MROH9: variants seen among roughly 807,000 people sequenced by gnomAD.
The protein encoded by MROH9 is maestro heat like repeat family member 9.
Under a neutral mutation model 98.2 loss-of-function variants are expected in MROH9, and 92 were observed. That is an observed-to-expected ratio of 0.94 (90% CI 0.79 to 1.11). The LOEUF is 1.11. Among genes scored for constraint, MROH9 ranks in the 50% most tolerant of loss-of-function variants. The pLI is 0.00. For missense variants in MROH9, 1,057 were observed against 1,014.8 expected (o/e 1.04, Z -0.57); for synonymous variants, 397 against 368.9 (o/e 1.08, Z -0.87).
intron 15 of MROH9, among the ~76,000 whole-genome samples, chr1:171,000,271 A>G (rs886913809): frequency 3.3e-5 from 5 of 150,206 alleles, no homozygotes; most frequent in East Asian, 3.9e-4. Context: ...GCCAATGTCT[A>G]GAAGTTTTTT....
intron 10 of MROH9, among the ~76,000 whole-genome samples, chr1:170,988,487 A>G (rs1651233790): frequency 6.6e-6 from 1 of 152,146 alleles, no homozygotes; most frequent in African/African-American, 2.4e-5. Flanking sequence ...AGGCTTACCA[A>G]GTCCCTGAGA....
At chr1:170,956,265 G>A (rs1170465213) in intron 3 of MROH9, among the ~76,000 whole-genome samples, 1 of 152,020 alleles carries the variant, frequency 6.6e-6, no homozygotes, top group African/African-American at 2.4e-5. Flanking sequence ...CTCCAGATTT[G>A]TTCTTTTTGC....
At chr1:171,013,156 T>C (rs920003738) in intron 15 of MROH9, among the ~76,000 whole-genome samples, 1 of 151,992 alleles carries the variant, frequency 6.6e-6, no homozygotes, top group Non-Finnish European at 1.5e-5. Flanking sequence ...TAAATATCAC[T>C]CTTCATTCTA....
chr1:170,976,654 T>C (rs533794848), intron 8 of MROH9, among the ~76,000 whole-genome samples: 2 of 152,190 alleles, frequency 1.3e-5, no homozygotes, highest in East Asian at 3.9e-4. Context: ...GGCTGAGGCA[T>C]ATAAAAAAAT....
intron 15 of MROH9, among the ~76,000 whole-genome samples, chr1:171,013,874 T>TACACAC (rs34557125): frequency 1.7e-4 from 24 of 144,388 alleles, no homozygotes; most frequent in Non-Finnish European, 2.1e-4. Flanking sequence ...GTAAAATACA[T>TACACAC]ACACACACAC....
intron 20 of MROH9, among the ~76,000 whole-genome samples, chr1:171,044,972 CTTTTTTTTTTTTTTTTTTTTT>C (rs754332732): frequency 2.6e-4 from 12 of 45,708 alleles, no homozygotes; most frequent in Non-Finnish European, 3.6e-4. Flanking sequence ...CTGCTCTGAT[CTTTTTTTTTTTTTTTTTTTTT>C]TTTTTTTTTT....
At chr1:171,002,281 T>C (rs1651808778) in intron 15 of MROH9, among the ~76,000 whole-genome samples, 1 of 151,786 alleles carries the variant, frequency 6.6e-6, no homozygotes, top group African/African-American at 2.4e-5. Flanking sequence ...GCATTCATCA[T>C]GCTCTTTTTT....
intron 9 of MROH9, among the ~76,000 whole-genome samples, chr1:170,985,605 T>A (rs1257460840): frequency 6.6e-6 from 1 of 152,242 alleles, no homozygotes; most frequent in East Asian, 1.9e-4. Context: ...ACTAAATTTC[T>A]TGTTGAGTAA....
chr1:171,029,601 G>T (rs1303154731), intron 20 of MROH9, among the ~76,000 whole-genome samples: 1 of 152,152 alleles, frequency 6.6e-6, no homozygotes, highest in Non-Finnish European at 1.5e-5. Flanking sequence ...TATGTTTATT[G>T]ATTTGCATAT....
chr1:171,042,941 T>G (rs1411676215), intron 20 of MROH9, among the ~76,000 whole-genome samples: 1 of 152,200 alleles, frequency 6.6e-6, no homozygotes, highest in African/African-American at 2.4e-5. Context: ...GTGGGTTGTC[T>G]CTTCACTTTG....
At chr1:171,034,362 T>C (rs895655259) in intron 20 of MROH9, among the ~76,000 whole-genome samples, 4 of 152,150 alleles carry the variant, frequency 2.6e-5, no homozygotes, top group African/African-American at 9.7e-5. Context: ...GGATGAACTA[T>C]TGCAAAAAGA....
intron 15 of MROH9, among the ~76,000 whole-genome samples, chr1:171,002,882 A>T (rs1264422847): frequency 2.0e-5 from 3 of 152,094 alleles, no homozygotes; most frequent in Non-Finnish European, 4.4e-5. Context: ...TTCCTCAGGA[A>T]TACCAATTAT....
At chr1:171,019,369 A>G (rs1457056879) in intron 17 of MROH9, among the ~76,000 whole-genome samples, 1 of 152,154 alleles carries the variant, frequency 6.6e-6, no homozygotes, top group Non-Finnish European at 1.5e-5. Flanking sequence ...GGCTAGAAAC[A>G]TCGGCCAGGA....
chr1:171,015,230 A>T, intron 16 of MROH9: 1 of 345,762 alleles, frequency 2.9e-6, no homozygotes, highest in South Asian at 2.3e-5. Context: ...TTTACTTTAA[A>T]TAAATAATAC....
rs374399023 is a variant in MROH9, at chr1:171,048,909, C to T, written c.2282-13223C>T. Among the ~76,000 whole-genome samples, 17 of 152,220 alleles carry T rather than the reference C, an allele frequency of 1.1e-4. No individual in the cohort carries two copies. The South Asian group carries it at 1.5e-3, about 13-fold the overall frequency. On this transcript the variant is annotated intron_variant, in intron 20 of 21. Coordinates refer to ENST00000367759, the MANE Select transcript of MROH9 (RefSeq NM_001163629.2). ...CCTTTTCCTTCAAGGCAGTGGGTTC[C>T]CTTTTGGCCCAGGGTATGTTTAGAA...
At chr1:171,062,718 G>A (rs1325985060) in intron 21 of MROH9, among the ~76,000 whole-genome samples, 1 of 152,198 alleles carries the variant, frequency 6.6e-6, no homozygotes, top group African/African-American at 2.4e-5. Flanking sequence ...CTTAGCCTCT[G>A]TCTATCGTCC....
At chr1:171,046,711 T>C (rs1423165916) in intron 20 of MROH9, among the ~76,000 whole-genome samples, 3 of 152,174 alleles carry the variant, frequency 2.0e-5, no homozygotes, top group African/African-American at 4.8e-5. Flanking sequence ...ACAGTCACAG[T>C]GTTATAATAT....
intron 6 of MROH9, 109 bp from the exon 7 acceptor site, chr1:170,965,042 A>G: frequency 1.5e-6 from 1 of 663,814 alleles, no homozygotes; most frequent in Non-Finnish European, 2.7e-6. Context: ...AGTGTGAAAT[A>G]ACCAGGAGAA....
At chr1:171,016,061 G>A (rs150647153) in intron 16 of MROH9, 102 bp from the exon 17 acceptor site, 23 of 735,148 alleles carry the variant, frequency 3.1e-5, no homozygotes, top group Admixed American at 8.7e-5. Context: ...GTCGGCTTCC[G>A]CACACCATGA....
Sources: gnomAD v4.1 joint callset for allele counts (sites outside exome capture counted in the v4.1 genomes callset) on GRCh38, gnomAD v4.1.1 for gene constraint, MANE v1.5 for transcripts, NCBI Gene and HGNC (gene_info 2026-07-23, HGNC 2026-07-21) for gene names.